Variants in CTDP1 observed in about 807,000 individuals in gnomAD.
CTDP1 encodes RNA polymerase II subunit A C-terminal domain phosphatase.
Under a neutral mutation model 91.8 loss-of-function variants are expected in CTDP1, and 47 were observed. That is an observed-to-expected ratio of 0.51 (90% CI 0.41 to 0.65). CTDP1 has a LOEUF of 0.65. Ranked by LOEUF, CTDP1 falls within the 30% of genes least tolerant of loss-of-function variation. The pLI is 0.00. For synonymous variants in CTDP1, 656 were observed against 598.5 expected (o/e 1.10, Z -1.40); for missense variants, 1,272 against 1,373.7 (o/e 0.93, Z 1.17).
In CTDP1 at chr18:79,694,501, T is replaced by C. The variant is rs1477080915; in HGVS notation, c.315-724T>C. 3.7e-4 allele frequency among the ~76,000 whole-genome samples: 33 copies of C among 89,890 alleles called. 1 individual carries two copies. The highest frequency in any genetic ancestry group is 2.6e-3 in the South Asian group (5 of 1,954). The allele number at this position is 89,890 out of a possible 152,430, so 59.0% of individuals were successfully genotyped here. On this transcript the variant is annotated intron_variant, in intron 1 of 12. Transcript: ENST00000613122. ...GCTGGGCGGTCTCATGTCCACGGGG[T>C]GGGGTGGTCGGAGCAGCCCGGCTGG...
intron 12 of CTDP1, among the ~76,000 whole-genome samples, chr18:79,737,886 T>C (rs1296582129): frequency 2.6e-5 from 4 of 152,208 alleles, no homozygotes; most frequent in Non-Finnish European, 5.9e-5. Context: ...GGTGATGCTG[T>C]TCCCTTTCTT....
chr18:79,695,373 C>T (rs2085725657), intron 2 of CTDP1, 65 bp downstream of exon 2: 8 of 1,450,918 alleles, frequency 5.5e-6, no homozygotes, highest in South Asian at 2.3e-5. Context: ...CCGGGGAGTC[C>T]GAGAAGCTGT....
chr18:79,698,031 G>T lies in CTDP1; in HGVS notation c.621+43G>T, dbSNP rs188772431. Reference sequence around the variant, plus strand: ...CTACGGACAGTTTCCCAGGAACCGCGGGTCCTAGAATTTTGATTCAGAAGT... The same window carrying T: ...CTACGGACAGTTTCCCAGGAACCGCTGGTCCTAGAATTTTGATTCAGAAGT... On this transcript the variant is annotated intron_variant, in intron 4 of 12. Coordinates refer to ENST00000613122, the MANE Select transcript of CTDP1 (RefSeq NM_004715.5). 5 of 1,612,224 alleles carry T rather than the reference G, an allele frequency of 3.1e-6. No individual in the cohort carries two copies. The Admixed American group carries it at 6.7e-5, about 22-fold the overall frequency.
rs767903407 is a variant in CTDP1, at chr18:79,712,937, A to G, written c.864-35A>G. On this transcript the variant is annotated intron_variant, in intron 6 of 12. Transcript: ENST00000613122. ...AGATGAATGACTACAACTTTTCATT[A>G]TTATTTTTTGTAAATTATGCATTTT... The G allele has an allele frequency of 2.2e-5, 36 of 1,606,994 alleles. No homozygotes were observed. The Middle Eastern group carries it at 6.6e-4, about 29-fold the overall frequency.
rs1349058156 is a variant in CTDP1, at chr18:79,732,147, GAACT to G, written c.2580+3082_2580+3085del. ...GCTCCCAAAATCACGTGAGACATAA[GAACT>G]AACATCAGGAGTGCTCCCAAAATCA... On this transcript the variant is annotated intron_variant, in intron 11 of 12. Transcript: ENST00000613122. Among the ~76,000 whole-genome samples the G allele has an allele frequency of 3.3e-5, 5 of 149,698 alleles. No individual in the cohort carries two copies. The East Asian group carries it at 6.0e-4, about 18-fold the overall frequency.
intron 2 of CTDP1, 111 bp from the exon 3 acceptor site, chr18:79,695,866 A>G (rs1488624859): frequency 1.2e-6 from 1 of 850,900 alleles, no homozygotes; most frequent in Non-Finnish European, 2.0e-6. Context: ...GTGCTAAGAT[A>G]GCAGCGTGTG....
At chr18:79,710,023 C>T (rs2086048041) in intron 5 of CTDP1, among the ~76,000 whole-genome samples, 1 of 152,160 alleles carries the variant, frequency 6.6e-6, no homozygotes, top group Admixed American at 6.5e-5. Flanking sequence ...GATGACTTAC[C>T]TGTTTTACTT....
chr18:79,701,036 A>G lies in CTDP1; in HGVS notation c.621+3048A>G, dbSNP rs367731515. ...TCTAAGCCCGCTCTTGAGACCTGTT[A>G]CTCAGAAAGAGAGATTCTTCTAAGA... On this transcript the variant is annotated intron_variant, in intron 4 of 12. Transcript: ENST00000613122. Among the ~76,000 whole-genome samples, 6 of 152,272 alleles carry G rather than the reference A, an allele frequency of 3.9e-5. No individual in the cohort carries two copies. In the South Asian group the frequency reaches 1.2e-3, roughly 32 times the overall value.
intron 10 of CTDP1, among the ~76,000 whole-genome samples, chr18:79,723,442 G>T (rs2086385474): frequency 6.6e-6 from 1 of 152,200 alleles, no homozygotes; most frequent in South Asian, 2.1e-4. Context: ...AGGGCAGTTG[G>T]CCCTTCGTCC....
intron 5 of CTDP1, among the ~76,000 whole-genome samples, chr18:79,707,583 C>T (rs551413761): frequency 7.7e-4 from 118 of 152,334 alleles, no homozygotes; most frequent in African/African-American, 2.6e-3. Flanking sequence ...CAAGGGATGT[C>T]GGCCAAAACC....
chr18:79,706,475 A>G (rs2085968802), intron 5 of CTDP1, among the ~76,000 whole-genome samples: 1 of 152,168 alleles, frequency 6.6e-6, no homozygotes, highest in Non-Finnish European at 1.5e-5. Flanking sequence ...TCACTCTCAC[A>G]ATAACAAATG....
rs764525963 is a variant in CTDP1 at position 79,697,955 on chromosome 18, A to T, written c.588A>T (p.Thr196=). The T allele has an allele frequency of 1.2e-6, 2 of 1,614,242 alleles. No individual in the cohort carries two copies. Among genetic ancestry groups the T allele is most frequent in the Non-Finnish European group, 1.7e-6 (2 of 1,180,044 alleles). The change falls in exon 4 of 13, where the codon ACA becomes ACT. Residue 196 remains threonine (T), a synonymous_variant. Transcript: ENST00000613122. The part of the protein sequence containing the change: ...MVDLDQTLIH[T]TEQHCQQMSN... ...ACTTGGACCAGACGTTGATTCACACAACCGAGCAGCACTGTCAGCAGATGT... is the reference window on the plus strand; with the variant it reads ...ACTTGGACCAGACGTTGATTCACACTACCGAGCAGCACTGTCAGCAGATGT...
At chr18:79,722,306 C>T (rs1328359663) in intron 10 of CTDP1, among the ~76,000 whole-genome samples, 1 of 152,186 alleles carries the variant, frequency 6.6e-6, no homozygotes. Flanking sequence ...TTTACGTGAA[C>T]AGCAGCAGTT....
chr18:79,750,918 C>T (rs1186034733), intron 12 of CTDP1, among the ~76,000 whole-genome samples: 5 of 132,246 alleles, frequency 3.8e-5, no homozygotes, highest in African/African-American at 1.4e-4. Flanking sequence ...TCTTACAGAG[C>T]GGGCTGGACT....
chr18:79,679,907 C>A lies in CTDP1; in HGVS notation c.-41C>A. On this transcript the variant is annotated 5_prime_UTR_variant, in exon 1 of 13. Transcript: ENST00000613122. ...GGTAGGCGCTGCGCTCTGAGCGCAG[C>A]GCAGGCCCCGTACCGACCGCCCGCC... 4.4e-6 allele frequency: 6 copies of A among 1,358,434 alleles called. No individual in the cohort carries two copies. The highest frequency in any genetic ancestry group is 1.6e-5 in the African/African-American group (1 of 63,732). The allele number at this position is 1,358,434 out of a possible 1,614,324, so 84.1% of individuals were successfully genotyped here. A position where few individuals can be genotyped will look rare whatever the true frequency, so the allele number is the denominator to read the frequency against.
intron 5 of CTDP1, among the ~76,000 whole-genome samples, chr18:79,708,998 G>A (rs2086025527): frequency 6.6e-6 from 1 of 152,234 alleles, no homozygotes; most frequent in Admixed American, 6.5e-5. Flanking sequence ...TATCTCTTGA[G>A]GTATGTGCAG....
intron 1 of CTDP1, among the ~76,000 whole-genome samples, chr18:79,690,664 G>A (rs376135148): frequency 6.6e-6 from 1 of 152,166 alleles, no homozygotes; most frequent in Non-Finnish European, 1.5e-5. Flanking sequence ...GTCTGCACGC[G>A]GGTTTCCCAG....
rs1312233059 is a variant in CTDP1, at chr18:79,752,443, A to G, written c.2748-1209A>G. On this transcript the variant is annotated intron_variant, in intron 12 of 12. Coordinates refer to ENST00000613122, the MANE Select transcript of CTDP1 (RefSeq NM_004715.5). ...ATGCAGAGGCTCGTAAGGAAAGCCTAGTGGCACCCGCTGGTTATGCAGAGG... is the reference window on the plus strand; with the variant it reads ...ATGCAGAGGCTCGTAAGGAAAGCCTGGTGGCACCCGCTGGTTATGCAGAGG... Among the ~76,000 whole-genome samples the G allele has an allele frequency of 3.6e-4, 24 of 66,254 alleles. 1 individual carries two copies. Among genetic ancestry groups the G allele is most frequent in the Non-Finnish European group, 7.1e-4 (22 of 30,918 alleles). The allele number at this position is 66,254 out of a possible 152,430, so 43.5% of individuals were successfully genotyped here.
At chr18:79,697,615 C>T (rs973049206) in intron 3 of CTDP1, among the ~76,000 whole-genome samples, 1 of 152,178 alleles carries the variant, frequency 6.6e-6, no homozygotes, top group East Asian at 1.9e-4. Flanking sequence ...AACCAGTTTC[C>T]CTTCCCCCTC....
Sources: allele counts gnomAD v4.1 joint callset (sites outside exome capture counted in the v4.1 genomes callset), GRCh38; gene constraint gnomAD v4.1.1; transcripts MANE v1.5; gene names NCBI Gene and HGNC (gene_info 2026-07-23, HGNC 2026-07-21).